DPYD: variants seen among roughly 807,000 people sequenced by gnomAD.
DPYD encodes dihydropyrimidine dehydrogenase, also known as dihydropyrimidine dehydrogenase [NADP(+)].
DPYD carries 109 observed loss-of-function variants against 116.2 expected under a neutral mutation model. That is an observed-to-expected ratio of 0.94 (90% CI 0.80 to 1.10). DPYD has a LOEUF of 1.10. Among genes scored for constraint, DPYD ranks in the 50% least tolerant of loss-of-function variants. The probability of loss-of-function intolerance (pLI) is 0.00; values close to 1 mark genes in which losing one functional copy is unlikely to be tolerated. For synonymous variants in DPYD, 440 were observed against 432.0 expected, an observed-to-expected ratio of 1.02 and a Z score of -0.23; for missense variants, 1,302 against 1,254.5, an observed-to-expected ratio of 1.04 and a Z score of -0.57.
At chr1:97,897,184 T>C (rs1487062390) in intron 1 of DPYD, among the ~76,000 whole-genome samples, 1 of 151,914 alleles carries the variant, frequency 6.6e-6, no homozygotes, top group African/African-American at 2.4e-5. Context: ...GATAATAGAA[T>C]TCTACACTGA....
intron 11 of DPYD, among the ~76,000 whole-genome samples, chr1:97,550,327 T>G (rs1651225094): frequency 6.6e-6 from 1 of 152,080 alleles, no homozygotes; most frequent in Non-Finnish European, 1.5e-5. Flanking sequence ...TCTGCTTTGT[T>G]TTGTTAAAAG....
chr1:97,700,932 A>T (rs1219284162), intron 5 of DPYD, among the ~76,000 whole-genome samples: 3 of 151,538 alleles, frequency 2.0e-5, no homozygotes, highest in Non-Finnish European at 4.4e-5. Context: ...TTAAAAACAC[A>T]TTATTAAAAT....
intron 20 of DPYD, among the ~76,000 whole-genome samples, chr1:97,125,029 T>C (rs887994966): frequency 3.3e-5 from 5 of 152,118 alleles, no homozygotes; most frequent in Non-Finnish European, 7.4e-5. Flanking sequence ...AACTCTTTTT[T>C]TAGAATGTTA....
rs1557982812 is a variant in DPYD, at chr1:97,815,097, GA to G, written c.233+13016del. ...AAAAGAGAAGAAAGAAAAGAGAAGAGAAGAGAAAAGAGAAGAGAAGAGAAAA... is the reference window on the plus strand; with the variant it reads ...AAAAGAGAAGAAAGAAAAGAGAAGAGAGAGAAAAGAGAAGAGAAGAGAAAA... On this transcript the variant is annotated intron_variant, in intron 3 of 22. Transcript: ENST00000370192. Among the ~76,000 whole-genome samples, 388 of 10,108 alleles carry G rather than the reference GA, an allele frequency of 0.038. 19 individuals are homozygous for G. In the East Asian group the frequency reaches 0.52, roughly 14 times the overall value. 6.6% of individuals were successfully genotyped at this position (10,108 alleles called of 152,430 possible).
intron 20 of DPYD, among the ~76,000 whole-genome samples, chr1:97,155,907 T>C (rs1198378209): frequency 1.3e-5 from 2 of 152,178 alleles, no homozygotes; most frequent in Non-Finnish European, 2.9e-5. Flanking sequence ...AACTTAAACC[T>C]ACATATCAAT....
chr1:97,346,316 A>G (rs986340719), intron 16 of DPYD, among the ~76,000 whole-genome samples: 2 of 151,768 alleles, frequency 1.3e-5, no homozygotes, highest in African/African-American at 4.8e-5. Flanking sequence ...AATTATTACT[A>G]TATCTTCTCT....
chr1:97,720,896 G>A (rs866627000), intron 5 of DPYD: 2 of 1,609,504 alleles, frequency 1.2e-6, no homozygotes, highest in Non-Finnish European at 1.7e-6. Flanking sequence ...CTTTACAAAT[G>A]ATTCATTAAA....
intron 8 of DPYD, among the ~76,000 whole-genome samples, chr1:97,671,089 AAAG>A (rs1275051157): frequency 7.9e-5 from 12 of 152,126 alleles, no homozygotes; most frequent in Non-Finnish European, 1.5e-4. Context: ...TTTAAAATAA[AAAG>A]AATATAAGCT....
At chr1:97,817,017 C>G (rs1175745449) in intron 3 of DPYD, among the ~76,000 whole-genome samples, 1 of 152,094 alleles carries the variant, frequency 6.6e-6, no homozygotes, top group South Asian at 2.1e-4. Context: ...CATGTTTGCT[C>G]TCAACCAGGG....
chr1:97,133,203 G>A (rs1252029458), intron 20 of DPYD, among the ~76,000 whole-genome samples: 2 of 151,822 alleles, frequency 1.3e-5, no homozygotes, highest in Non-Finnish European at 2.9e-5. Flanking sequence ...TATTTTTCCC[G>A]AAATCTGTTG....
At chr1:97,787,710 A>G (rs1667114978) in intron 3 of DPYD, among the ~76,000 whole-genome samples, 1 of 152,242 alleles carries the variant, frequency 6.6e-6, no homozygotes, top group Non-Finnish European at 1.5e-5. Context: ...CAAGGCTATA[A>G]CAATAATAGA....
In DPYD at chr1:97,563,752, A is replaced by G. The variant is rs79068265; in HGVS notation, c.1339+10008T>C. On this transcript the variant is annotated intron_variant, in intron 11 of 22. Coordinates refer to ENST00000370192, the MANE Select transcript of DPYD (RefSeq NM_000110.4). ...CAAATGGATATCTAAGGCAGATGTA[A>G]GTGATGTGGTGTTGATTCCCAATCA... Among the ~76,000 whole-genome samples the G allele has an allele frequency of 5.1e-4, 77 of 152,326 alleles. No individual in the cohort carries two copies. The East Asian group carries it at 0.014, about 28-fold the overall frequency.
chr1:97,302,246 A>C (rs1020676885), intron 18 of DPYD, among the ~76,000 whole-genome samples: 2 of 152,030 alleles, frequency 1.3e-5, no homozygotes, highest in African/African-American at 4.8e-5. Flanking sequence ...TAGACAGAGT[A>C]CTTATATGGT....
intron 20 of DPYD, among the ~76,000 whole-genome samples, chr1:97,169,732 AG>A (rs1178477605): frequency 2.0e-5 from 3 of 152,076 alleles, no homozygotes; most frequent in African/African-American, 7.2e-5. Flanking sequence ...ATACATATTT[AG>A]CATAATAAAT....
At chr1:97,855,367 T>C (rs45522136) in intron 2 of DPYD, 14 of 152,078 alleles carry the variant, frequency 9.2e-5, no homozygotes, top group African/African-American at 2.7e-4. Flanking sequence ...TGGATGCAAG[T>C]AGGGACAAAG....
chr1:97,607,339 T>G (rs922564628), intron 8 of DPYD, among the ~76,000 whole-genome samples: 53 of 151,734 alleles, frequency 3.5e-4, no homozygotes, highest in Middle Eastern at 6.8e-3. Context: ...CCATTCTAAT[T>G]TTTTTTTATT....
intron 20 of DPYD, among the ~76,000 whole-genome samples, chr1:97,174,854 A>G: frequency 6.6e-6 from 1 of 151,682 alleles, no homozygotes; most frequent in African/African-American, 2.4e-5. Flanking sequence ...CATTCACAAA[A>G]CTACCACCCC....
intron 13 of DPYD, among the ~76,000 whole-genome samples, chr1:97,456,942 T>C (rs1676723929): frequency 6.6e-6 from 1 of 152,066 alleles, no homozygotes; most frequent in South Asian, 2.1e-4. Context: ...TGCTTTGACA[T>C]TCTCCAGTGT....
chr1:97,430,533 G>A (rs1295245655), intron 14 of DPYD, among the ~76,000 whole-genome samples: 1 of 151,740 alleles, frequency 6.6e-6, no homozygotes, highest in East Asian at 1.9e-4. Flanking sequence ...AGGTGGCAGT[G>A]AGCTGAAATC....
Sources: gnomAD v4.1 joint callset for allele counts (sites outside exome capture counted in the v4.1 genomes callset) on GRCh38, gnomAD v4.1.1 for gene constraint, MANE v1.5 for transcripts, NCBI Gene and HGNC (gene_info 2026-07-23, HGNC 2026-07-21) for gene names.